RECQL5: variants seen among roughly 807,000 people sequenced by gnomAD.
RECQL5 encodes the protein ATP-dependent DNA helicase Q5.
RECQL5 carries 88 observed loss-of-function variants against 103.4 expected under a neutral mutation model. The ratio of observed to expected loss-of-function variants is 0.85; its 90% CI spans 0.72 to 1.02. The LOEUF (loss-of-function observed/expected upper bound fraction) is 1.02. Ranked by LOEUF, RECQL5 falls within the 50% of genes least tolerant of loss-of-function variation. RECQL5 has a pLI of 0.00. For synonymous variants in RECQL5, 552 were observed against 507.9 expected (o/e 1.09, Z -1.17); for missense variants, 1,232 against 1,284.3 (o/e 0.96, Z 0.62).
At position 75,640,737 on chromosome 17, in the gene RECQL5, G is replaced by T. The variant is rs1005784784; in HGVS notation, c.1230-9069C>A. 2.9e-5 allele frequency: 45 copies of T among 1,529,344 alleles called. No individual in the cohort carries two copies. In the Admixed American group the frequency reaches 7.9e-4, roughly 27 times the overall value. 94.7% of individuals were successfully genotyped at this position (1,529,344 alleles called of 1,614,324 possible). On this transcript the variant is annotated intron_variant, in intron 8 of 19. Transcript: ENST00000317905. The surrounding 1 kb of genome is among the most constrained non-coding windows in gnomAD (Gnocchi z 4.6). ...CAGTGGGTTTCTCTGGGAGGAGGGT[G>T]GGCATCCTTTCTCTCCCCCAACCTG...
At chr17:75,628,832 G>A (rs769525231) in intron 16 of RECQL5, 70 bp from the exon 17 acceptor site, 4 of 1,601,316 alleles carry the variant, frequency 2.5e-6, no homozygotes, top group South Asian at 1.1e-5. Flanking sequence ...AGGCCTAGGA[G>A]AGCCCATCTC....
chr17:75,635,392 G>A (rs527528102), intron 8 of RECQL5, among the ~76,000 whole-genome samples: 4 of 152,302 alleles, frequency 2.6e-5, no homozygotes, highest in Admixed American at 2.6e-4. Context: ...AGTGGACAGG[G>A]TCTCTCCAAC....
At chr17:75,663,055 A>G in intron 3 of RECQL5, 58 bp from the exon 4 acceptor site, 1 of 1,500,750 alleles carries the variant, frequency 6.7e-7, no homozygotes. Context: ...ACATCACTGC[A>G]AGTCCCTGGA....
intron 12 of RECQL5, 42 bp downstream of exon 12, chr17:75,630,737 G>A (rs820194): frequency 0.4 from 636,770 of 1,599,326 alleles, 128,837 homozygotes; most frequent in East Asian, 0.54. Flanking sequence ...CGCGGCTGGG[G>A]GAGGGCCCCG....
At chr17:75,660,465 C>A (rs553926825) in intron 6 of RECQL5, among the ~76,000 whole-genome samples, 131 of 152,342 alleles carry the variant, frequency 8.6e-4, no homozygotes, top group Non-Finnish European at 1.7e-3. Context: ...GGTACTGCAG[C>A]CTGCACAGCT....
intron 6 of RECQL5, among the ~76,000 whole-genome samples, chr17:75,659,028 A>C (rs548375581): frequency 2.6e-5 from 4 of 152,238 alleles, no homozygotes; most frequent in African/African-American, 9.6e-5. Flanking sequence ...AAGATACCAC[A>C]GACCCAGGAT....
rs2059118404 is a variant in RECQL5 at position 75,627,529 on chromosome 17, A to G, written c.2876-7T>C. The G allele has an allele frequency of 6.2e-7, 1 of 1,613,584 alleles. No homozygotes were observed. ...TTCTGGGCCTCTTCTTTCACTACAG[A>G]TTCAGGGTGGGGGCATGAGGAGGTG... is the stretch of plus-strand genomic sequence containing the variant. On this transcript the variant is annotated splice_region_variant and splice_polypyrimidine_tract_variant and intron_variant, in intron 19 of 19. Transcript: ENST00000317905.
Position 75,640,810 on chromosome 17 carries a change from G to A in RECQL5, c.1230-9142C>T. ...CTCCAGCTACTGTTCTGCTGTTGCT[G>A]CTGATAGCCTGCAGCTGCTGCTGCA... On this transcript the variant is annotated intron_variant, in intron 8 of 19. Coordinates refer to ENST00000317905, the MANE Select transcript of RECQL5 (RefSeq NM_004259.7). The surrounding 1 kb of genome is among the most constrained non-coding windows in gnomAD (Gnocchi z 4.6). 1 of 1,550,314 alleles carries A rather than the reference G, an allele frequency of 6.5e-7. No individual in the cohort carries two copies.
chr17:75,640,179 C>T lies in RECQL5; in HGVS notation c.1230-8511G>A. 1 of 1,534,822 alleles carries T rather than the reference C, an allele frequency of 6.5e-7. No homozygotes were observed. The highest frequency in any genetic ancestry group is 8.8e-7 in the Non-Finnish European group (1 of 1,140,556). ...CTGCCCCAGCAGAGCCCGGCAGGAG[C>T]CCCAACAGGAAGCCAGCGCGGCATG... is the stretch of plus-strand genomic sequence containing the variant. On this transcript the variant is annotated intron_variant, in intron 8 of 19. Transcript: ENST00000317905. This position sits in a 1 kb window ranked among gnomAD's most constrained non-coding sequence, Gnocchi z 4.6.
intron 3 of RECQL5, 120 bp downstream of exon 3, chr17:75,664,928 AAAG>A: frequency 7.4e-7 from 1 of 1,351,354 alleles, no homozygotes; most frequent in South Asian, 1.7e-5. Context: ...AAAAAAAAAA[AAAG>A]GAAAAAGAAA....
chr17:75,650,832 T>C (rs2059545909), intron 8 of RECQL5: 3 of 1,493,686 alleles, frequency 2.0e-6, no homozygotes, highest in Admixed American at 2.3e-5. Context: ...ACTCAAGTGA[T>C]GCCAGAAGTC....
intron 7 of RECQL5, among the ~76,000 whole-genome samples, chr17:75,654,273 A>C (rs2059590207): frequency 6.6e-6 from 1 of 152,178 alleles, no homozygotes; most frequent in African/African-American, 2.4e-5. Context: ...TAACATAATG[A>C]ACAATTCATT....
Position 75,665,157 on chromosome 17 carries a change from A to C in RECQL5, c.146T>G (p.Phe49Cys). Reference protein sequence around the residue: ...MAVVKGNKDVFVCMPTGAGKS... With the variant: ...MAVVKGNKDVCVCMPTGAGKS... ...TCCTGCCCCTGTGGGCATGCACACAAAGACGTCCTTGTTACCTGAAAAAAT... is the reference window on the plus strand; with the variant it reads ...TCCTGCCCCTGTGGGCATGCACACACAGACGTCCTTGTTACCTGAAAAAAT... Residue 49 changes from phenylalanine (F) to cysteine (C), a missense_variant, in exon 3 of 20, where the codon TTT (phenylalanine) becomes TGT (cysteine). Transcript: ENST00000317905. The C allele has an allele frequency of 6.2e-7, 1 of 1,609,680 alleles. No homozygotes were observed. The highest frequency in any genetic ancestry group is 8.5e-7 in the Non-Finnish European group (1 of 1,178,614).
At chr17:75,652,799 C>A (rs1383155255) in intron 7 of RECQL5, among the ~76,000 whole-genome samples, 1 of 152,198 alleles carries the variant, frequency 6.6e-6, no homozygotes, top group Non-Finnish European at 1.5e-5. Flanking sequence ...CACCCCACTT[C>A]CCTGGGGCTT....
intron 3 of RECQL5, 127 bp from the exon 4 acceptor site, chr17:75,663,124 AG>A: frequency 1.1e-6 from 1 of 901,698 alleles, no homozygotes. Context: ...CTCTTTGCAT[AG>A]AAGTAGTAGA....
Position 75,628,283 on chromosome 17 carries a change from C to T in RECQL5, c.2740G>A (p.Glu914Lys), listed in dbSNP as rs1349090285. The change falls in exon 18 of 20, where the codon GAG (glutamate) becomes AAG (lysine). Residue 914 changes from glutamate (E) to lysine (K), a missense_variant. Coordinates refer to ENST00000317905, the MANE Select transcript of RECQL5 (RefSeq NM_004259.7). ...QLSAPGVSLK[E>K]AANVVVKCLT... ...CACTTGACCACAACATTTGCAGCCT[C>T]CTTCAAGGAGACGCCAGGAGCGGAG... The T allele has an allele frequency of 6.2e-7, 1 of 1,614,186 alleles. No homozygotes were observed. The highest frequency in any genetic ancestry group is 1.7e-5 in the Admixed American group (1 of 60,026).
intron 8 of RECQL5, chr17:75,648,758 C>T (rs1465230851): frequency 8.8e-5 from 13 of 148,504 alleles, no homozygotes; most frequent in South Asian, 4.4e-4. Context: ...ACTGCAGATT[C>T]GACTTCTGAG....
intron 8 of RECQL5, chr17:75,633,954 A>G (rs2059270567): frequency 2.0e-6 from 2 of 985,538 alleles, no homozygotes; most frequent in Non-Finnish European, 2.4e-6. Flanking sequence ...GCACCGGGAC[A>G]TGAAGTTGGA....
intron 8 of RECQL5, chr17:75,650,534 T>A: frequency 6.8e-7 from 1 of 1,474,090 alleles, no homozygotes; most frequent in Non-Finnish European, 9.1e-7. Context: ...TCTGAAGCAA[T>A]CACGTCAGCG....
Sources: allele counts gnomAD v4.1 joint callset (sites outside exome capture counted in the v4.1 genomes callset), GRCh38; gene constraint gnomAD v4.1.1; non-coding constraint Gnocchi (gnomAD v3.1); transcripts MANE v1.5; gene names NCBI Gene and HGNC (gene_info 2026-07-23, HGNC 2026-07-21).